Variants in PI4KA observed in about 807,000 individuals in gnomAD.
The protein encoded by PI4KA is phosphatidylinositol 4-kinase alpha.
Under a neutral mutation model 271.4 loss-of-function variants are expected in PI4KA, and 122 were observed. The ratio of observed to expected loss-of-function variants is 0.45; its 90% CI spans 0.39 to 0.52. PI4KA has a LOEUF of 0.52. Among genes scored for constraint, PI4KA ranks in the 20% least tolerant of loss-of-function variants. The pLI is 0.00. For synonymous variants in PI4KA, 1,041 were observed against 1,078.8 expected, an observed-to-expected ratio of 0.96 and a Z score of 0.69; for missense variants, 1,969 against 2,769.1, an observed-to-expected ratio of 0.71 and a Z score of 6.48.
chr22:20,732,802 C>A (rs867506771), intron 36 of PI4KA, among the ~76,000 whole-genome samples, 169 bp downstream of exon 36: 8 of 152,302 alleles, frequency 5.3e-5, no homozygotes, highest in African/African-American at 1.7e-4. Context: ...AGAGGAGAAG[C>A]AGAGCCAGGC....
intron 44 of PI4KA, 123 bp downstream of exon 44, chr22:20,718,570 G>C (rs1205308008): frequency 1.7e-6 from 2 of 1,164,812 alleles, no homozygotes; most frequent in Non-Finnish European, 2.6e-6. Context: ...CCCGCTGCTA[G>C]AGACTCTCAT....
chr22:20,831,034 A>G (rs1601587957), intron 3 of PI4KA, among the ~76,000 whole-genome samples: 2 of 152,136 alleles, frequency 1.3e-5, no homozygotes, highest in East Asian at 3.9e-4. Flanking sequence ...TAGACTCCCA[A>G]AGTGCTGGGA....
intron 4 of PI4KA, among the ~76,000 whole-genome samples, chr22:20,822,327 G>A (rs1259592445): frequency 3.3e-5 from 5 of 152,102 alleles, no homozygotes; most frequent in East Asian, 3.9e-4. Flanking sequence ...GATTACAGGC[G>A]TGAGCCACCA....
rs1422075976 is a variant in PI4KA at position 20,858,771 on chromosome 22, C to G, written c.-46G>C. On this transcript the variant is annotated 5_prime_UTR_variant, in exon 1 of 55. Coordinates refer to ENST00000255882, the MANE Select transcript of PI4KA (RefSeq NM_058004.4). ...TGCCCGCCGGCTCCCCGCTCCTGGC[C>G]CGCGAGCGCCCGACCTCAGGGCGCA... 4.4e-6 allele frequency: 6 copies of G among 1,368,774 alleles called. No individual in the cohort carries two copies. The highest frequency in any genetic ancestry group is 5.7e-6 in the Non-Finnish European group (6 of 1,057,438). The allele number at this position is 1,368,774 out of a possible 1,614,324, so 84.8% of individuals were successfully genotyped here.
chr22:20,800,916 G>T (rs1445087414), intron 14 of PI4KA, among the ~76,000 whole-genome samples: 1 of 146,872 alleles, frequency 6.8e-6, no homozygotes, highest in Non-Finnish European at 1.5e-5. Context: ...TTGAGACGGA[G>T]TTTTGCTCTT....
intron 31 of PI4KA, 71 bp downstream of exon 31, chr22:20,742,537 G>T: frequency 6.3e-7 from 1 of 1,583,260 alleles, no homozygotes. Flanking sequence ...TACTCCAGCT[G>T]GCTATGGGTC....
rs1020553110 is a variant in PI4KA at position 20,727,821 on chromosome 22, C to T, written c.4726G>A (p.Val1576Ile). 10 of 1,614,146 alleles carry T rather than the reference C, an allele frequency of 6.2e-6. No homozygotes were observed. Among genetic ancestry groups the T allele is most frequent in the South Asian group, 1.1e-5 (1 of 91,072 alleles). ...EAIGNEVTRL[V>I]RLDPGAVSDV... The stretch of plus-strand genomic sequence containing the variant: ...CTAACGGCTCCCGGGTCCAACCGAA[C>T]GAGACGGGTCACTTCGTTCCCAATG... Residue 1576 changes from valine to isoleucine, a missense_variant, in exon 40 of 55, where the codon GTT (valine) becomes ATT (isoleucine). Physicochemically the swap from Val to Ile is conservative, Grantham distance 29. Around this residue, in one of 13 missense-constraint regions of PI4KA, gnomAD observed 388 missense variants for 521.5 expected, o/e 0.74. Transcript: ENST00000255882.
intron 19 of PI4KA, among the ~76,000 whole-genome samples, chr22:20,769,655 C>T (rs1369463671): frequency 3.7e-5 from 5 of 135,908 alleles, no homozygotes; most frequent in East Asian, 4.3e-4. Context: ...GGCGACAGAG[C>T]GAGACGCCAT....
At chr22:20,768,016 T>C (rs1015488916) in intron 19 of PI4KA, among the ~76,000 whole-genome samples, 2 of 151,122 alleles carry the variant, frequency 1.3e-5, no homozygotes, top group Non-Finnish European at 2.9e-5. Context: ...TAAACTTTAA[T>C]GTCAAAAATG....
intron 54 of PI4KA, among the ~76,000 whole-genome samples, 163 bp downstream of exon 54, chr22:20,709,133 C>A (rs1405676203): frequency 1.3e-5 from 2 of 151,862 alleles, no homozygotes; most frequent in Admixed American, 6.6e-5. Flanking sequence ...GCCCCCTAAA[C>A]CAGCACCCCA....
chr22:20,768,821 G>A (rs1167443069), intron 19 of PI4KA, among the ~76,000 whole-genome samples: 4 of 152,164 alleles, frequency 2.6e-5, no homozygotes, highest in African/African-American at 7.2e-5. Flanking sequence ...AGACGGAAGC[G>A]ACACAGGGCA....
chr22:20,768,817 A>C (rs1932754156), intron 19 of PI4KA, among the ~76,000 whole-genome samples: 1 of 152,166 alleles, frequency 6.6e-6, no homozygotes, highest in South Asian at 2.1e-4. Context: ...CAGCAGACGG[A>C]AGCGACACAG....
intron 1 of PI4KA, among the ~76,000 whole-genome samples, chr22:20,846,084 C>G (rs1213247286): frequency 6.6e-6 from 1 of 151,388 alleles, no homozygotes; most frequent in Non-Finnish European, 1.5e-5. Context: ...ACAGTGAAAC[C>G]CTGCCTCTAC....
chr22:20,818,011 G>A (rs554266546), intron 7 of PI4KA, among the ~76,000 whole-genome samples: 135 of 152,074 alleles, frequency 8.9e-4, no homozygotes, highest in Non-Finnish European at 1.4e-3. Context: ...TGTAATCCCA[G>A]CTACTTGGGA....
intron 1 of PI4KA, among the ~76,000 whole-genome samples, chr22:20,846,585 G>A (rs1926287024): frequency 6.6e-6 from 1 of 152,124 alleles, no homozygotes; most frequent in Non-Finnish European, 1.5e-5. Context: ...GCCCATGCCT[G>A]TAATCCCAGC....
At chr22:20,744,522 C>T (rs1439570694) in intron 30 of PI4KA, 106 bp downstream of exon 30, 2 of 725,360 alleles carry the variant, frequency 2.8e-6, no homozygotes, top group South Asian at 3.3e-5. Flanking sequence ...TATGTTAATT[C>T]CACATCACCG....
intron 29 of PI4KA, among the ~76,000 whole-genome samples, chr22:20,745,783 C>T (rs1929985076): frequency 6.6e-6 from 1 of 152,092 alleles, no homozygotes; most frequent in African/African-American, 2.4e-5. Context: ...AACCCTCTCA[C>T]AATGTTGTTA....
intron 52 of PI4KA, 146 bp downstream of exon 52, chr22:20,710,553 A>T (rs1160596580): frequency 7.2e-6 from 5 of 698,054 alleles, no homozygotes; most frequent in Middle Eastern, 8.0e-4. Context: ...GGGCAGACAG[A>T]GGTGACCAAA....
chr22:20,729,837 G>C (rs1927802253), intron 37 of PI4KA, 55 bp downstream of exon 37: 1 of 1,610,914 alleles, frequency 6.2e-7, no homozygotes, highest in Admixed American at 1.7e-5. Flanking sequence ...CAAGCAGCTT[G>C]CAACTAGAAT....
Sources: gnomAD v4.1 joint callset for allele counts (sites outside exome capture counted in the v4.1 genomes callset) on GRCh38, gnomAD v4.1.1 for gene constraint, gnomAD v4.1.1 regional missense constraint, MANE v1.5 for transcripts, NCBI Gene and HGNC (gene_info 2026-07-23, HGNC 2026-07-21) for gene names.